ARID1B: variants seen among roughly 807,000 people sequenced by gnomAD.
ARID1B encodes the protein AT-rich interaction domain 1B, also known as AT-rich interactive domain-containing protein 1B.
Under a neutral mutation model 212.3 loss-of-function variants are expected in ARID1B, and 30 were observed. The ratio of observed to expected loss-of-function variants is 0.14; its 90% confidence interval spans 0.11 to 0.19. ARID1B has a LOEUF of 0.19. ARID1B is among the 10% of genes least tolerant of loss of function. The pLI, the probability that ARID1B is intolerant of heterozygous loss-of-function variation, is 1.00. For synonymous variants in ARID1B, 1,402 were observed against 1,301.7 expected (o/e 1.08, Z -1.66); for missense variants, 2,891 against 3,204.0 (o/e 0.90, Z 2.36).
At chr6:156,932,056 A>G (rs116124505) in intron 3 of ARID1B, among the ~76,000 whole-genome samples, 3,669 of 143,940 alleles carry the variant, frequency 0.025, 142 homozygotes, top group African/African-American at 0.087. Context: ...GAGGCAGGAG[A>G]ATTGCTTGAG....
At chr6:157,037,526 A>G (rs1562567130) in intron 4 of ARID1B, among the ~76,000 whole-genome samples, 1 of 152,206 alleles carries the variant, frequency 6.6e-6, no homozygotes, top group Non-Finnish European at 1.5e-5. Context: ...GGCAGGAGAA[A>G]TGAGAGCTAT....
chr6:157,111,123 T>C (rs1380013857), intron 6 of ARID1B: 2 of 153,304 alleles, frequency 1.3e-5, no homozygotes, highest in African/African-American at 4.8e-5. Flanking sequence ...AGGAGCTAGT[T>C]AGTGCCAGTC....
At chr6:157,069,040 T>C (rs1783853386) in intron 4 of ARID1B, among the ~76,000 whole-genome samples, 1 of 152,206 alleles carries the variant, frequency 6.6e-6, no homozygotes, top group Non-Finnish European at 1.5e-5. Context: ...GTTTCTCTTC[T>C]GAGTGAAATG....
At position 156,873,978 on chromosome 6, in the gene ARID1B, A is replaced by G. The variant is rs538811792; in HGVS notation, c.1987-27398A>G. Among the ~76,000 whole-genome samples, 9 of 152,302 alleles carry G rather than the reference A, an allele frequency of 5.9e-5. No individual in the cohort carries two copies. In the East Asian group the frequency reaches 1.5e-3, roughly 26 times the overall value. ...GCCCACATCTTCTCTTAATGGAACC[A>G]TAGTATCCTCAGGCCTGTGGTGGCA... On this transcript the variant is annotated intron_variant, in intron 2 of 19. Coordinates refer to ENST00000636930, the MANE Select transcript of ARID1B (RefSeq NM_001374828.1).
chr6:157,091,424 T>C (rs778115983), intron 5 of ARID1B, among the ~76,000 whole-genome samples: 45 of 152,218 alleles, frequency 3.0e-4, no homozygotes, highest in Non-Finnish European at 5.6e-4. Context: ...CCAGCCGATA[T>C]AGCTGCAGAT....
At chr6:156,799,481 G>GAT (rs781434804) in intron 1 of ARID1B, among the ~76,000 whole-genome samples, 4 of 152,144 alleles carry the variant, frequency 2.6e-5, no homozygotes, top group South Asian at 2.1e-4. Context: ...CACATCAGTT[G>GAT]ATATATATAT....
rs529980664 is a variant in ARID1B at position 156,850,045 on chromosome 6, G to C, written c.1986+20624G>C. Among the ~76,000 whole-genome samples the C allele has an allele frequency of 1.8e-3, 271 of 148,628 alleles. 1 individual carries two copies. The highest frequency in any genetic ancestry group is 0.017 in the Middle Eastern group (5 of 294). On this transcript the variant is annotated intron_variant, in intron 2 of 19. Transcript: ENST00000636930. The stretch of plus-strand genomic sequence containing the variant: ...ATCTAGTAGCCCTGGACAACTTTAA[G>C]CACATAGTTACTAGATGCAGGCCCG...
intron 8 of ARID1B, among the ~76,000 whole-genome samples, chr6:157,163,012 A>G (rs1418877620): frequency 6.6e-6 from 1 of 152,182 alleles, no homozygotes; most frequent in Non-Finnish European, 1.5e-5. Context: ...TTTTCCGGGT[A>G]CAGCTTAGGT....
chr6:157,075,186 A>G (rs1784229105), intron 4 of ARID1B, among the ~76,000 whole-genome samples: 1 of 152,222 alleles, frequency 6.6e-6, no homozygotes, highest in African/African-American at 2.4e-5. Flanking sequence ...CCTCTTATCT[A>G]AGTGAGTCTA....
intron 2 of ARID1B, 63 bp downstream of exon 2, chr6:156,829,484 C>A (rs2128047907): frequency 6.7e-7 from 1 of 1,493,430 alleles, no homozygotes; most frequent in African/African-American, 1.4e-5. Flanking sequence ...CTTTTGCTGT[C>A]CACCTAAGAT....
chr6:157,161,267 G>T (rs1790910791), intron 8 of ARID1B, among the ~76,000 whole-genome samples: 1 of 151,950 alleles, frequency 6.6e-6, no homozygotes, highest in Admixed American at 6.6e-5. Context: ...CCACTTTACC[G>T]CCACAGGATT....
intron 16 of ARID1B, chr6:157,198,458 A>C (rs548304334): frequency 4.2e-6 from 1 of 235,346 alleles, no homozygotes; most frequent in South Asian, 1.3e-4. Flanking sequence ...GCACTGTACG[A>C]CACTTCCTAA....
intron 17 of ARID1B, among the ~76,000 whole-genome samples, chr6:157,199,276 T>C (rs1352636669): frequency 6.6e-6 from 1 of 152,162 alleles, no homozygotes; most frequent in Non-Finnish European, 1.5e-5. Context: ...TTAAGGAGAA[T>C]GTGTAGAAAA....
chr6:156,778,896 G>A lies in ARID1B; in HGVS notation c.1216G>A (p.Gly406Arg), dbSNP rs2114989449. The A allele has an allele frequency of 7.3e-7, 1 of 1,366,440 alleles. No individual in the cohort carries two copies. Among genetic ancestry groups the A allele is most frequent in the Non-Finnish European group, 9.4e-7 (1 of 1,061,830 alleles). 84.6% of individuals were successfully genotyped at this position (1,366,440 alleles called of 1,614,324 possible). ...CGGAGGAGGAGGAGGCAGCGGAGGA[G>A]GAGGAGGAGGAGGAGGAGCAGGAGC... ...GGGGGGGSGG[G>R]GGGGGAGAGG... The change falls in exon 1 of 20, where the codon GGA becomes AGA. Residue 406 changes from glycine (G) to arginine (R), a missense_variant. Physicochemically the swap from Gly to Arg is moderately radical, Grantham distance 125. This residue lies in a region of ARID1B where 1,643 missense variants were observed against 1,544.0 expected (regional missense o/e 1.06). Transcript: ENST00000636930.
chr6:156,860,679 G>C (rs1309639016), intron 2 of ARID1B, among the ~76,000 whole-genome samples: 1 of 152,192 alleles, frequency 6.6e-6, no homozygotes, highest in East Asian at 1.9e-4. Flanking sequence ...TTGGCAAAAT[G>C]ATGGTTCTAA....
In ARID1B at chr6:157,058,817, G is replaced by A. The variant is rs1298194545; in HGVS notation, c.2248-25845G>A. ...TGGGGCTGGGTAGCACCTGACCAGC[G>A]ATATGTGGTTAATAAGACATAGAAG... is the stretch of plus-strand genomic sequence containing the variant. On this transcript the variant is annotated intron_variant, in intron 4 of 19. Coordinates refer to ENST00000636930, the MANE Select transcript of ARID1B (RefSeq NM_001374828.1). Among the ~76,000 whole-genome samples the A allele has an allele frequency of 5.3e-5, 8 of 152,280 alleles. No homozygotes were observed. In the South Asian group the frequency reaches 6.2e-4, roughly 12 times the overall value.
chr6:156,867,101 T>C (rs1054589181), intron 2 of ARID1B, among the ~76,000 whole-genome samples: 2 of 152,240 alleles, frequency 1.3e-5, no homozygotes, highest in African/African-American at 4.8e-5. Flanking sequence ...ATCCATTGCA[T>C]ACTCTGACAG....
intron 2 of ARID1B, among the ~76,000 whole-genome samples, chr6:156,846,356 G>A (rs1246725581): frequency 6.6e-6 from 1 of 150,968 alleles, no homozygotes; most frequent in Admixed American, 6.6e-5. Context: ...TAGTGGAGAC[G>A]GGGTTTCACC....
At chr6:156,820,922 T>A (rs566014358) in intron 1 of ARID1B, among the ~76,000 whole-genome samples, 1 of 152,366 alleles carries the variant, frequency 6.6e-6, no homozygotes, top group South Asian at 2.1e-4. Context: ...TCCAGAACGC[T>A]GATGCTTGGA....
Sources: allele counts gnomAD v4.1 joint callset (sites outside exome capture counted in the v4.1 genomes callset), GRCh38; gene constraint gnomAD v4.1.1; regional missense constraint gnomAD v4.1.1; transcripts MANE v1.5; gene names NCBI Gene and HGNC (gene_info 2026-07-23, HGNC 2026-07-21).